HECW1: variants seen among roughly 807,000 people sequenced by gnomAD.
The protein encoded by HECW1 is E3 ubiquitin-protein ligase HECW1.
A neutral mutation model predicts 182.3 loss-of-function variants in HECW1; 61 were observed. The observed-to-expected ratio is 0.33, with a 90% CI of 0.27 to 0.41. The LOEUF is 0.41. HECW1 is among the 10% of genes least tolerant of loss of function. The pLI is 1.00. For synonymous variants in HECW1, 859 were observed against 832.6 expected (o/e 1.03, Z -0.55); for missense variants, 1,739 against 2,108.9 (o/e 0.82, Z 3.44).
intron 2 of HECW1, among the ~76,000 whole-genome samples, chr7:43,215,846 C>T (rs1796394152): frequency 6.6e-6 from 1 of 152,222 alleles, no homozygotes; most frequent in South Asian, 2.1e-4. Context: ...TCAACATCCT[C>T]TGCCATGTCT....
At chr7:43,415,509 A>G (rs2075962417) in intron 8 of HECW1, among the ~76,000 whole-genome samples, 1 of 152,092 alleles carries the variant, frequency 6.6e-6, no homozygotes, top group Non-Finnish European at 1.5e-5. Context: ...TATATGTCTT[A>G]GAGTTGCTCT....
chr7:43,550,417 C>T (rs1403319217), intron 26 of HECW1, 28 bp from the exon 27 acceptor site: 1 of 1,613,100 alleles, frequency 6.2e-7, no homozygotes, highest in Non-Finnish European at 8.5e-7. Context: ...AACTGACAAG[C>T]ATCGCAATAT....
chr7:43,280,184 G>A (rs1287200324), intron 3 of HECW1, among the ~76,000 whole-genome samples: 3 of 152,152 alleles, frequency 2.0e-5, no homozygotes, highest in Non-Finnish European at 4.4e-5. Context: ...AGGAGAGAGT[G>A]CCTCCTCTAG....
At chr7:43,159,199 TA>T (rs1223046379) in intron 2 of HECW1, among the ~76,000 whole-genome samples, 1 of 151,900 alleles carries the variant, frequency 6.6e-6, no homozygotes, top group Non-Finnish European at 1.5e-5. Context: ...TTTTTATTAT[TA>T]TACTTTAAGT....
chr7:43,542,920 G>A (rs2081414997), intron 26 of HECW1, among the ~76,000 whole-genome samples: 1 of 152,102 alleles, frequency 6.6e-6, no homozygotes, highest in Non-Finnish European at 1.5e-5. Context: ...AAGCATTTTT[G>A]TGAAGTACGT....
At chr7:43,221,526 A>G (rs1796943000) in intron 2 of HECW1, among the ~76,000 whole-genome samples, 1 of 134,610 alleles carries the variant, frequency 7.4e-6, no homozygotes. Context: ...ACTAAATGTC[A>G]GAGGAATTAG....
chr7:43,529,338 C>A lies in HECW1; in HGVS notation c.4020-11825C>A, dbSNP rs1422838836. Among the ~76,000 whole-genome samples, 3 of 152,074 alleles carry A rather than the reference C, an allele frequency of 2.0e-5. No homozygotes were observed. In the East Asian group the frequency reaches 5.8e-4, roughly 29 times the overall value. The stretch of plus-strand genomic sequence containing the variant: ...TTCCCTCCCTGCTCCATGCTTGCAC[C>A]CCATCTGAAGGACAAAACGCCACTG... On this transcript the variant is annotated intron_variant, in intron 24 of 29. Coordinates refer to ENST00000395891, the MANE Select transcript of HECW1 (RefSeq NM_015052.5).
chr7:43,170,186 G>C (rs755286341), intron 2 of HECW1, among the ~76,000 whole-genome samples: 18 of 152,280 alleles, frequency 1.2e-4, no homozygotes, highest in Middle Eastern at 3.4e-3. Context: ...ACATGCAAGG[G>C]ATCTAGGTTG....
At chr7:43,329,647 T>C (rs974139543) in intron 5 of HECW1, among the ~76,000 whole-genome samples, 10 of 152,052 alleles carry the variant, frequency 6.6e-5, no homozygotes, top group African/African-American at 2.4e-4. Context: ...AGTTTGGGGA[T>C]TGAAGACACC....
At chr7:43,223,070 C>T (rs540805871) in intron 2 of HECW1, among the ~76,000 whole-genome samples, 64 of 152,314 alleles carry the variant, frequency 4.2e-4, no homozygotes, top group Middle Eastern at 3.4e-3. Context: ...CATCTTAGTT[C>T]GTGGCCAATC....
rs116945469 is a variant in HECW1 at position 43,501,242 on chromosome 7, T to A, written c.3551T>A (p.Val1184Asp). Residue 1184 changes from valine (V) to aspartate (D), a missense_variant, in exon 21 of 30, where the codon GTC (valine) becomes GAC (aspartate). Val to Asp is a radical substitution (Grantham distance 152). Transcript: ENST00000395891. Reference protein sequence around the residue: ...SLFEEEIMSYVPLQAAFHPGY... With the variant: ...SLFEEEIMSYDPLQAAFHPGY... ...TTTGAAGAAGAGATTATGTCCTACG[T>A]CCCCCTGCAGGCTGCCTTCCACCCT... 6.4e-6 allele frequency: 10 copies of A among 1,573,350 alleles called. No individual in the cohort carries two copies. The South Asian group carries it at 1.0e-4, about 16-fold the overall frequency.
rs751556260 is a variant in HECW1, at chr7:43,444,774, C to G, written c.1602C>G (p.Pro534=). 6.2e-7 allele frequency: 1 copy of G among 1,614,124 alleles called. No individual in the cohort carries two copies. The highest frequency in any genetic ancestry group is 2.2e-5 in the East Asian group (1 of 44,872). ...LRASVKRKSR[P]CSLPVSELET... is the part of the protein sequence containing the mutation. Reference sequence around the variant, plus strand: ...CCTCGGTGAAGAGAAAAAGCAGGCCCTGCTCCTTGCCTGTGTCCGAGCTGG... The same window carrying G: ...CCTCGGTGAAGAGAAAAAGCAGGCCGTGCTCCTTGCCTGTGTCCGAGCTGG... Residue 534 remains proline, a synonymous_variant, in exon 11 of 30, where the codon CCC becomes CCG. Transcript: ENST00000395891. The surrounding 1 kb of genome is among the most constrained non-coding windows in gnomAD (Gnocchi z 4.3).
In HECW1 at chr7:43,469,182, G is replaced by A; in HGVS notation, c.3099+77G>A. On this transcript the variant is annotated intron_variant, in intron 16 of 29. Transcript: ENST00000395891. ...GTGAAGCTAGCAAGGGCGTGAGGAG[G>A]AGAGTGTGGGGAGGAGTTATGTCTG... is the stretch of plus-strand genomic sequence containing the variant. The A allele has an allele frequency of 2.1e-6, 3 of 1,449,186 alleles. No homozygotes were observed. The South Asian group carries it at 3.7e-5, about 18-fold the overall frequency. The allele number at this position is 1,449,186 out of a possible 1,614,324, so 89.8% of individuals were successfully genotyped here.
chr7:43,273,044 T>C (rs532564593), intron 3 of HECW1, among the ~76,000 whole-genome samples: 5 of 152,276 alleles, frequency 3.3e-5, no homozygotes, highest in Non-Finnish European at 7.4e-5. Flanking sequence ...GGGAGGCCAT[T>C]AATACTAAGC....
At chr7:43,247,889 GGAGA>G (rs1333811422) in intron 3 of HECW1, among the ~76,000 whole-genome samples, 7 of 136,930 alleles carry the variant, frequency 5.1e-5, no homozygotes, top group Non-Finnish European at 1.6e-5. Context: ...AGAAAGGGAG[GGAGA>G]GAGGAAGGAA....
At chr7:43,118,627 AT>A (rs1176870094) in intron 2 of HECW1, 1 of 152,184 alleles carries the variant, frequency 6.6e-6, no homozygotes, top group Non-Finnish European at 1.5e-5. Context: ...GTTATTCATA[AT>A]TCCTTGTGCC....
intron 2 of HECW1, among the ~76,000 whole-genome samples, chr7:43,154,279 T>C (rs978801191): frequency 6.6e-6 from 1 of 152,198 alleles, no homozygotes; most frequent in African/African-American, 2.4e-5. Flanking sequence ...TTTGAGCATG[T>C]TCCATTTACA....
chr7:43,396,691 G>A, intron 6 of HECW1, 123 bp from the exon 7 acceptor site: 1 of 665,646 alleles, frequency 1.5e-6, no homozygotes, highest in Non-Finnish European at 2.7e-6. Context: ...GTTGCCCAGT[G>A]AAATCACTGT....
intron 3 of HECW1, among the ~76,000 whole-genome samples, chr7:43,297,612 C>T (rs1333788904): frequency 6.6e-6 from 1 of 152,092 alleles, no homozygotes; most frequent in Non-Finnish European, 1.5e-5. Context: ...CTCCTGTAAT[C>T]GAGATGAAAA....
Sources: gnomAD v4.1 joint callset for allele counts (sites outside exome capture counted in the v4.1 genomes callset) on GRCh38, gnomAD v4.1.1 for gene constraint, Gnocchi (gnomAD v3.1) non-coding constraint, MANE v1.5 for transcripts, NCBI Gene and HGNC (gene_info 2026-07-23, HGNC 2026-07-21) for gene names.